WLS: variants seen among roughly 807,000 people sequenced by gnomAD.
WLS encodes protein wntless homolog.
In WLS, 23 loss-of-function variants were observed where a neutral mutation model predicts 62.8. The ratio of observed to expected loss-of-function variants is 0.37; its 90% CI spans 0.26 to 0.52. WLS has a LOEUF of 0.52. WLS is among the 20% of genes least tolerant of loss of function. WLS has a pLI of 0.92. For synonymous variants in WLS, 246 were observed against 244.1 expected, an observed-to-expected ratio of 1.01 and a Z score of -0.07; for missense variants, 615 against 697.3, an observed-to-expected ratio of 0.88 and a Z score of 1.33.
At chr1:68,140,091 A>G (rs765009840) in intron 10 of WLS, among the ~76,000 whole-genome samples, 3 of 152,256 alleles carry the variant, frequency 2.0e-5, no homozygotes, top group Non-Finnish European at 2.9e-5. Flanking sequence ...ACAATACTAA[A>G]TCCTTTTACA....
At chr1:68,211,016 C>T (rs997678841) in intron 1 of WLS, among the ~76,000 whole-genome samples, 2 of 152,146 alleles carry the variant, frequency 1.3e-5, no homozygotes, top group Admixed American at 6.5e-5. Context: ...CTGCTTTGGC[C>T]TAAAGACTGC....
At chr1:68,174,409 G>A (rs545549807) in intron 2 of WLS, among the ~76,000 whole-genome samples, 133 of 152,318 alleles carry the variant, frequency 8.7e-4, no homozygotes, top group Middle Eastern at 3.4e-3. Flanking sequence ...AATCAGCCAG[G>A]ACATTCCTCG....
In WLS at chr1:68,155,028, G is replaced by A. The variant is rs1024820136; in HGVS notation, c.666+71C>T. On this transcript the variant is annotated intron_variant, in intron 4 of 11. Coordinates refer to ENST00000262348, the MANE Select transcript of WLS (RefSeq NM_024911.7). ...CCATTTCTCAGATGAGACAGGTGAGGCATAGAGGTGCCAAGAGTGAGATGG... is the reference window on the plus strand; with the variant it reads ...CCATTTCTCAGATGAGACAGGTGAGACATAGAGGTGCCAAGAGTGAGATGG... The A allele has an allele frequency of 1.4e-5, 21 of 1,502,404 alleles. No individual in the cohort carries two copies. The African/African-American group carries it at 2.9e-4, about 21-fold the overall frequency. The allele number at this position is 1,502,404 out of a possible 1,614,324, so 93.1% of individuals were successfully genotyped here. A position where few individuals can be genotyped will look rare whatever the true frequency, so the allele number is the denominator to read the frequency against.
At chr1:68,158,912 A>G (rs1340039424) in intron 3 of WLS, among the ~76,000 whole-genome samples, 1 of 152,230 alleles carries the variant, frequency 6.6e-6, no homozygotes, top group Non-Finnish European at 1.5e-5. Flanking sequence ...TGTTTTTACT[A>G]TTTTGCAGGA....
At chr1:68,194,293 T>C in intron 1 of WLS, 66 bp from the exon 2 acceptor site, 1 of 1,556,848 alleles carries the variant, frequency 6.4e-7, no homozygotes, top group Non-Finnish European at 8.7e-7. Flanking sequence ...CTGGTTAATA[T>C]TCTTTCCACT....
chr1:68,162,045 G>A, intron 2 of WLS: 1 of 1,591,684 alleles, frequency 6.3e-7, no homozygotes, highest in Non-Finnish European at 8.6e-7. Context: ...AGCTTTCTGG[G>A]ATGTGACCTG....
chr1:68,203,477 G>A (rs1649133914), intron 1 of WLS, among the ~76,000 whole-genome samples: 1 of 152,230 alleles, frequency 6.6e-6, no homozygotes, highest in African/African-American at 2.4e-5. Context: ...CTCAAAGGGA[G>A]CCAGCAAGAT....
intron 10 of WLS, 34 bp from the exon 11 acceptor site, chr1:68,137,967 C>T (rs1156855673): frequency 1.2e-6 from 2 of 1,611,218 alleles, no homozygotes; most frequent in African/African-American, 1.3e-5. Flanking sequence ...TCAATTGAAA[C>T]AGAGAAGAAA....
intron 1 of WLS, among the ~76,000 whole-genome samples, chr1:68,195,199 A>G (rs1557512954): frequency 6.6e-6 from 1 of 152,254 alleles, no homozygotes; most frequent in Non-Finnish European, 1.5e-5. Flanking sequence ...TTATTCACTT[A>G]GAAAAGCAGA....
chr1:68,129,238 T>C (rs940990669), intron 11 of WLS, among the ~76,000 whole-genome samples: 1 of 152,162 alleles, frequency 6.6e-6, no homozygotes, highest in African/African-American at 2.4e-5. Flanking sequence ...GGCAGAAGAA[T>C]GGTTTGAACC....
intron 10 of WLS, chr1:68,142,825 C>G (rs907289338): frequency 6.6e-6 from 1 of 152,170 alleles, no homozygotes; most frequent in African/African-American, 2.4e-5. Flanking sequence ...TTGGGGTCCT[C>G]TTGGGTGTCC....
intron 11 of WLS, among the ~76,000 whole-genome samples, chr1:68,115,150 CT>C (rs1466350564): frequency 1.3e-5 from 2 of 152,194 alleles, no homozygotes; most frequent in Non-Finnish European, 2.9e-5. Flanking sequence ...TCAATGACTG[CT>C]TTTCAGGAGG....
intron 1 of WLS, among the ~76,000 whole-genome samples, chr1:68,199,089 T>C (rs986891879): frequency 6.6e-6 from 1 of 152,204 alleles, no homozygotes; most frequent in African/African-American, 2.4e-5. Flanking sequence ...CTTGGTTGCC[T>C]CTTAGAAAAG....
At chr1:68,098,843 A>G (rs1056114951) in intron 11 of WLS, 134 of 1,467,598 alleles carry the variant, frequency 9.1e-5, no homozygotes, top group Admixed American at 2.8e-4. Flanking sequence ...TCAGGTAACT[A>G]TAAAAATTTT....
chr1:68,159,611 A>C (rs576393040), intron 2 of WLS, among the ~76,000 whole-genome samples: 2 of 152,314 alleles, frequency 1.3e-5, no homozygotes, highest in Non-Finnish European at 2.9e-5. Context: ...TCCTTCTTCC[A>C]TAAAAAGTGC....
At chr1:68,166,943 G>A (rs562074673) in intron 2 of WLS, among the ~76,000 whole-genome samples, 13 of 152,184 alleles carry the variant, frequency 8.5e-5, no homozygotes, top group African/African-American at 2.9e-4. Flanking sequence ...CTTTTATGAT[G>A]TACATAAAAA....
chr1:68,113,279 C>T (rs566685461), intron 11 of WLS, among the ~76,000 whole-genome samples: 1 of 152,250 alleles, frequency 6.6e-6, no homozygotes, highest in African/African-American at 2.4e-5. Flanking sequence ...GCTTTGGATG[C>T]AAAGGACCTT....
At chr1:68,102,120 T>C (rs771123207) in intron 11 of WLS, among the ~76,000 whole-genome samples, 2 of 152,180 alleles carry the variant, frequency 1.3e-5, no homozygotes, top group African/African-American at 2.4e-5. Flanking sequence ...GGGCCAGCTA[T>C]ATGCCTTTGG....
chr1:68,103,517 A>AT (rs1390918251), intron 11 of WLS, among the ~76,000 whole-genome samples: 2 of 152,184 alleles, frequency 1.3e-5, no homozygotes, highest in African/African-American at 4.8e-5. Context: ...TTATGGATTC[A>AT]AGTGGTCAGA....
Sources: allele counts gnomAD v4.1 joint callset (sites outside exome capture counted in the v4.1 genomes callset), GRCh38; gene constraint gnomAD v4.1.1; transcripts MANE v1.5; gene names NCBI Gene and HGNC (gene_info 2026-07-23, HGNC 2026-07-21).